SH3RF2: variants seen among roughly 807,000 people sequenced by gnomAD.
SH3RF2 encodes the protein E3 ubiquitin-protein ligase SH3RF2.
A neutral mutation model predicts 59.0 loss-of-function variants in SH3RF2; 43 were observed. The ratio of observed to expected loss-of-function variants is 0.73; its 90% CI spans 0.57 to 0.94. The LOEUF is 0.94. Ranked by LOEUF, SH3RF2 falls within the 40% of genes least tolerant of loss-of-function variation. The pLI is 0.00. For synonymous variants in SH3RF2, 391 were observed against 391.5 expected (o/e 1.00, Z 0.01); for missense variants, 930 against 940.1 (o/e 0.99, Z 0.14).
intron 5 of SH3RF2, among the ~76,000 whole-genome samples, chr5:146,019,906 G>T (rs939885758): frequency 1.3e-5 from 2 of 151,946 alleles, no homozygotes; most frequent in Non-Finnish European, 2.9e-5. Context: ...TTGATTCTCA[G>T]CTTGTTTGTT....
intron 2 of SH3RF2, among the ~76,000 whole-genome samples, chr5:145,986,507 G>A (rs567617134): frequency 3.5e-4 from 54 of 152,180 alleles, no homozygotes; most frequent in Non-Finnish European, 6.6e-4. Context: ...ATGAGATGGC[G>A]CTTTCCCTCA....
rs768629739 is a variant in SH3RF2, at chr5:146,013,969, A to G, written c.967A>G (p.Ile323Val). 4 of 1,614,106 alleles carry G rather than the reference A, an allele frequency of 2.5e-6. No homozygotes were observed. The highest frequency in any genetic ancestry group is 1.7e-5 in the Admixed American group (1 of 60,018). Residue 323 changes from isoleucine (I) to valine (V), a missense_variant, in exon 5 of 10, where the codon ATC (isoleucine) becomes GTC (valine). Transcript: ENST00000359120. Reference protein sequence around the residue: ...HSPSGRHMVEISTPVLISSSN... With the variant: ...HSPSGRHMVEVSTPVLISSSN... ...TCCTTCAGGGCGCCATATGGTAGAG[A>G]TCAGCACCCCAGTGCTCATCAGCTC...
intron 1 of SH3RF2, among the ~76,000 whole-genome samples, chr5:145,937,355 T>A (rs1177837028): frequency 6.6e-6 from 1 of 152,150 alleles, no homozygotes; most frequent in African/African-American, 2.4e-5. Context: ...CAGATAAACT[T>A]ACCCACCTAA....
chr5:145,963,058 C>T (rs1184177103), intron 2 of SH3RF2, among the ~76,000 whole-genome samples: 3 of 151,758 alleles, frequency 2.0e-5, no homozygotes, highest in South Asian at 2.1e-4. Context: ...CCACCACACC[C>T]GGCTAATTTT....
rs988293974 is a variant in SH3RF2 at position 146,062,919 on chromosome 5, T to C, written c.*218T>C. ...CAAACATACAAACATAATGATTTGA[T>C]GCCACAAAGCTCGCTTACTCAGACC... On this transcript the variant is annotated 3_prime_UTR_variant, in exon 10 of 10. Transcript: ENST00000359120. 1.6e-5 allele frequency: 10 copies of C among 629,476 alleles called. No individual in the cohort carries two copies. In the African/African-American group the frequency reaches 1.8e-4, roughly 12 times the overall value. The allele number at this position is 629,476 out of a possible 1,614,324, so 39.0% of individuals were successfully genotyped here. A position where few individuals can be genotyped will look rare whatever the true frequency, so the allele number is the denominator to read the frequency against.
At chr5:145,967,337 C>G (rs1467911640) in intron 2 of SH3RF2, among the ~76,000 whole-genome samples, 1 of 152,094 alleles carries the variant, frequency 6.6e-6, no homozygotes. Flanking sequence ...TGGCTAAGCA[C>G]TGAAAGCATC....
chr5:146,033,451 CTTTTTTTTTTTTT>C (rs558717056), intron 5 of SH3RF2, among the ~76,000 whole-genome samples: 209 of 71,774 alleles, frequency 2.9e-3, no homozygotes, highest in South Asian at 0.023. Context: ...TAGCCCTTAG[CTTTTTTTTTTTTT>C]TTTTTTTTTT....
chr5:146,029,564 C>T (rs1319248250), intron 5 of SH3RF2, among the ~76,000 whole-genome samples: 1 of 152,138 alleles, frequency 6.6e-6, no homozygotes, highest in Non-Finnish European at 1.5e-5. Flanking sequence ...ATGCTGGGCT[C>T]GGGGTACATC....
intron 7 of SH3RF2, chr5:146,050,080 A>G (rs1762444436): frequency 6.6e-6 from 1 of 152,214 alleles, no homozygotes; most frequent in South Asian, 2.1e-4. Context: ...ACTTTTGGGG[A>G]CCTTCATTTA....
intron 5 of SH3RF2, among the ~76,000 whole-genome samples, chr5:146,034,022 G>T (rs1761838757): frequency 6.6e-6 from 1 of 152,180 alleles, no homozygotes; most frequent in African/African-American, 2.4e-5. Context: ...TTTACTGACT[G>T]CTTAGGTATT....
At chr5:145,979,212 A>G (rs1759417736) in intron 2 of SH3RF2, among the ~76,000 whole-genome samples, 1 of 152,164 alleles carries the variant, frequency 6.6e-6, no homozygotes, top group Non-Finnish European at 1.5e-5. Context: ...TAGAAACACA[A>G]ATTCTTGGGC....
chr5:146,017,185 G>A (rs1035662699), intron 5 of SH3RF2, among the ~76,000 whole-genome samples: 1 of 152,144 alleles, frequency 6.6e-6, no homozygotes, highest in African/African-American at 2.4e-5. Flanking sequence ...AAAAACAATG[G>A]CACTCGAAAA....
At chr5:145,969,487 A>G (rs1023334655) in intron 2 of SH3RF2, among the ~76,000 whole-genome samples, 1 of 152,170 alleles carries the variant, frequency 6.6e-6, no homozygotes, top group Non-Finnish European at 1.5e-5. Flanking sequence ...GTGATGGAAA[A>G]GAGGCAGAGG....
intron 3 of SH3RF2, among the ~76,000 whole-genome samples, chr5:146,001,754 C>T (rs1278858256): frequency 1.3e-5 from 2 of 152,180 alleles, no homozygotes; most frequent in African/African-American, 2.4e-5. Flanking sequence ...AGTGATGAGT[C>T]ATTGTTCTTA....
intron 5 of SH3RF2, among the ~76,000 whole-genome samples, chr5:146,040,233 G>A (rs1762076109): frequency 6.6e-6 from 1 of 152,184 alleles, no homozygotes. Context: ...TGGTATGTAT[G>A]CAGGTGTCTG....
chr5:145,938,386 T>C, intron 2 of SH3RF2, 80 bp downstream of exon 2: 1 of 1,444,360 alleles, frequency 6.9e-7, no homozygotes, highest in Non-Finnish European at 9.2e-7. Context: ...GATTATCTTC[T>C]TTTAGTTACA....
intron 2 of SH3RF2, among the ~76,000 whole-genome samples, chr5:145,954,071 C>T (rs983902098): frequency 1.3e-5 from 2 of 152,020 alleles, no homozygotes; most frequent in African/African-American, 4.8e-5. Flanking sequence ...GGGTATATAC[C>T]CAGTAATGGG....
At chr5:145,962,932 C>G (rs1465050975) in intron 2 of SH3RF2, among the ~76,000 whole-genome samples, 1 of 124,244 alleles carries the variant, frequency 8.0e-6, no homozygotes, top group Admixed American at 1.1e-4. Context: ...GAGTCTCGCT[C>G]TGTCGCCCAG....
At chr5:146,022,283 T>C (rs1167198041) in intron 5 of SH3RF2, among the ~76,000 whole-genome samples, 2 of 152,126 alleles carry the variant, frequency 1.3e-5, no homozygotes, top group East Asian at 1.9e-4. Flanking sequence ...TCTTGGCTCA[T>C]TGCAACCTCT....
Sources: allele counts gnomAD v4.1 joint callset (sites outside exome capture counted in the v4.1 genomes callset), GRCh38; gene constraint gnomAD v4.1.1; transcripts MANE v1.5; gene names NCBI Gene and HGNC (gene_info 2026-07-23, HGNC 2026-07-21).